SDHAF3: variants seen among roughly 807,000 people sequenced by gnomAD.
SDHAF3 encodes the protein succinate dehydrogenase complex assembly factor 3.
SDHAF3 carries 18 observed loss-of-function variants against 11.5 expected under a neutral mutation model. That is an observed-to-expected ratio of 1.56 (90% CI 1.08 to 2.32). SDHAF3 has a LOEUF of 2.32. Among genes scored for constraint, SDHAF3 ranks in the 30% most tolerant of loss-of-function variants. The pLI, the probability that SDHAF3 is intolerant of heterozygous loss-of-function variation, is 0.00. For missense variants in SDHAF3, 200 were observed against 154.4 expected (o/e 1.30, Z -1.57); for synonymous variants, 72 against 59.3 (o/e 1.21, Z -0.99).
intron 1 of SDHAF3, among the ~76,000 whole-genome samples, chr7:97,124,315 T>G (rs763716736): frequency 6.6e-5 from 10 of 152,150 alleles, no homozygotes; most frequent in Non-Finnish European, 1.0e-4. Context: ...ATGTGTGGTG[T>G]TATTTCTGAG....
Position 97,143,610 on chromosome 7 carries a change from C to T in SDHAF3, c.174+25713C>T, listed in dbSNP as rs536512932. The stretch of plus-strand genomic sequence containing the variant: ...TGGAATGATAGTCTCCAGTCTCATC[C>T]AGGTCACTGCAAATGTTGTTAATTC... On this transcript the variant is annotated intron_variant, in intron 1 of 1. Transcript: ENST00000432641. Among the ~76,000 whole-genome samples the T allele has an allele frequency of 2.5e-3, 376 of 152,012 alleles. 1 individual carries two copies. Among genetic ancestry groups the T allele is most frequent in the African/African-American group, 8.9e-3 (369 of 41,414 alleles).
chr7:97,118,012 A>G (rs1483908662), intron 1 of SDHAF3, 115 bp downstream of exon 1: 2 of 1,266,716 alleles, frequency 1.6e-6, no homozygotes, highest in Non-Finnish European at 2.2e-6. Context: ...TCTGTTTGAA[A>G]TAGCGTAATG....
chr7:97,120,064 C>G (rs970090392), intron 1 of SDHAF3, among the ~76,000 whole-genome samples: 2 of 152,090 alleles, frequency 1.3e-5, no homozygotes, highest in Admixed American at 6.6e-5. Flanking sequence ...TAGGTACTCT[C>G]AGGCTTTCAG....
intron 1 of SDHAF3, among the ~76,000 whole-genome samples, chr7:97,164,434 GTGC>G (rs2115724863): frequency 6.7e-6 from 1 of 149,156 alleles, no homozygotes; most frequent in African/African-American, 2.5e-5. Context: ...CCAGGCTGGA[GTGC>G]AATGGCGCAA....
chr7:97,118,348 TC>T (rs1295807306), intron 1 of SDHAF3, among the ~76,000 whole-genome samples: 1 of 152,224 alleles, frequency 6.6e-6, no homozygotes, highest in African/African-American at 2.4e-5. Context: ...TAAATAATTT[TC>T]TCACTTGGCT....
intron 1 of SDHAF3, among the ~76,000 whole-genome samples, chr7:97,140,115 G>C (rs1471560086): frequency 6.6e-6 from 1 of 151,936 alleles, no homozygotes; most frequent in African/African-American, 2.4e-5. Context: ...CTATGTTCTA[G>C]TCACTTAACT....
At chr7:97,158,570 C>T (rs533774232) in intron 1 of SDHAF3, among the ~76,000 whole-genome samples, 454 of 152,266 alleles carry the variant, frequency 3.0e-3, no homozygotes, top group African/African-American at 8.1e-3. Context: ...GTGATCTACC[C>T]GCCTCAGCCT....
intron 1 of SDHAF3, among the ~76,000 whole-genome samples, chr7:97,137,642 T>C (rs1052284258): frequency 2.0e-5 from 3 of 152,188 alleles, no homozygotes; most frequent in African/African-American, 7.2e-5. Context: ...TTAAGGACTT[T>C]ATAAGCCTGC....
chr7:97,127,546 CAT>C (rs1484398515), intron 1 of SDHAF3, among the ~76,000 whole-genome samples: 2 of 152,042 alleles, frequency 1.3e-5, no homozygotes, highest in African/African-American at 4.8e-5. Flanking sequence ...CATATATACA[CAT>C]GTATTATTAA....
intron 1 of SDHAF3, among the ~76,000 whole-genome samples, chr7:97,132,123 T>C (rs1382178602): frequency 6.6e-6 from 1 of 152,200 alleles, no homozygotes; most frequent in African/African-American, 2.4e-5. Flanking sequence ...ATTTTTAAAA[T>C]GCACTGGATG....
chr7:97,148,749 G>C (rs749968002), intron 1 of SDHAF3, among the ~76,000 whole-genome samples: 1 of 151,992 alleles, frequency 6.6e-6, no homozygotes, highest in South Asian at 2.1e-4. Context: ...TTATATGTGC[G>C]TAAGATAACC....
intron 1 of SDHAF3, among the ~76,000 whole-genome samples, chr7:97,135,762 AC>A (rs1334530360): frequency 1.1e-3 from 150 of 139,918 alleles, no homozygotes; most frequent in African/African-American, 3.8e-3. Flanking sequence ...ATCTCGGCTC[AC>A]TGCAAGCTCC....
At chr7:97,126,226 G>A (rs1033684095) in intron 1 of SDHAF3, among the ~76,000 whole-genome samples, 25 of 152,326 alleles carry the variant, frequency 1.6e-4, no homozygotes, top group Admixed American at 2.6e-4. Context: ...CCTGTATGAG[G>A]TGTCTGTCAA....
At chr7:97,180,408 G>A (rs779467208) in intron 1 of SDHAF3, among the ~76,000 whole-genome samples, 7 of 152,172 alleles carry the variant, frequency 4.6e-5, no homozygotes, top group Non-Finnish European at 2.9e-5. Flanking sequence ...TAAACATTGA[G>A]CACACATGGA....
chr7:97,170,097 C>T (rs938311655), intron 1 of SDHAF3, among the ~76,000 whole-genome samples: 1 of 141,478 alleles, frequency 7.1e-6, no homozygotes, highest in Non-Finnish European at 1.6e-5. Context: ...TTGGCTAGTT[C>T]GTTTTTTTTT....
intron 1 of SDHAF3, among the ~76,000 whole-genome samples, chr7:97,171,330 A>T (rs1789599245): frequency 6.6e-6 from 1 of 152,150 alleles, no homozygotes; most frequent in Non-Finnish European, 1.5e-5. Context: ...TACATTAAAG[A>T]ATACAAATAA....
intron 1 of SDHAF3, among the ~76,000 whole-genome samples, chr7:97,148,795 A>G (rs1200602809): frequency 6.6e-6 from 1 of 152,194 alleles, no homozygotes; most frequent in East Asian, 1.9e-4. Context: ...TTAGATGATT[A>G]GTGATTTGAT....
intron 1 of SDHAF3, chr7:97,136,396 C>T (rs1450495407): frequency 1.6e-6 from 1 of 639,350 alleles, no homozygotes; most frequent in Admixed American, 2.2e-5. Flanking sequence ...AGGGTATGTC[C>T]AGAAATCTTG....
chr7:97,160,617 G>GA (rs367917344), intron 1 of SDHAF3, among the ~76,000 whole-genome samples: 2 of 151,918 alleles, frequency 1.3e-5, no homozygotes, highest in African/African-American at 4.8e-5. Flanking sequence ...ACCCCCAAAA[G>GA]AAAAAAAAGA....
Sources: gnomAD v4.1 joint callset for allele counts (sites outside exome capture counted in the v4.1 genomes callset) on GRCh38, gnomAD v4.1.1 for gene constraint, MANE v1.5 for transcripts, NCBI Gene and HGNC (gene_info 2026-07-23, HGNC 2026-07-21) for gene names.